The following GRTP1 variants were observed in gnomAD, a reference collection of about 807,000 sequenced individuals.
GRTP1 encodes growth hormone regulated TBC protein 1, also known as growth hormone-regulated TBC protein 1.
In GRTP1, 56 loss-of-function variants were observed where a neutral mutation model predicts 38.1. The ratio of observed to expected loss-of-function variants is 1.47; its 90% CI spans 1.19 to 1.84. GRTP1 has a LOEUF of 1.84. Ranked by LOEUF, GRTP1 falls within the 40% of genes most tolerant of loss-of-function variation. The pLI, the probability that GRTP1 is intolerant of heterozygous loss-of-function variation, is 0.00. For missense variants in GRTP1, 506 were observed against 453.9 expected (o/e 1.11, Z -1.04); for synonymous variants, 217 against 189.5 (o/e 1.14, Z -1.19).
At chr13:113,324,621 T>C (rs753849199) in intron 7 of GRTP1, 44 bp from the exon 8 acceptor site, 18 of 1,555,142 alleles carry the variant, frequency 1.2e-5, no homozygotes, top group South Asian at 1.1e-4. Context: ...CAACAACCCA[T>C]TTCTACGTTA....
Position 113,340,936 on chromosome 13 carries a change from T to C in GRTP1, c.562+3927A>G, listed in dbSNP as rs78435795. Among the ~76,000 whole-genome samples the C allele has an allele frequency of 2.5e-3, 376 of 152,350 alleles. 2 individuals carry two copies. The highest frequency in any genetic ancestry group is 4.3e-3 in the Non-Finnish European group (292 of 68,036). Reference sequence around the variant, plus strand: ...CTCAAGTCAACTTCGTTAGGCTGTTTTTTTCTCAGAATTATCCATTTCTGT... The same window carrying C: ...CTCAAGTCAACTTCGTTAGGCTGTTCTTTTCTCAGAATTATCCATTTCTGT... On this transcript the variant is annotated intron_variant, in intron 5 of 7. Transcript: ENST00000375431.
In GRTP1 at chr13:113,324,695, T is replaced by C. The variant is rs1187350980; in HGVS notation, c.922-118A>G. The C allele has an allele frequency of 2.0e-6, 3 of 1,473,530 alleles. No individual in the cohort carries two copies. In the African/African-American group the frequency reaches 4.2e-5, roughly 21 times the overall value. The allele number at this position is 1,473,530 out of a possible 1,614,324, so 91.3% of individuals were successfully genotyped here. A position where few individuals can be genotyped will look rare whatever the true frequency, so the allele number is the denominator to read the frequency against. On this transcript the variant is annotated intron_variant, in intron 7 of 7. Transcript: ENST00000375431. Reference sequence around the variant, plus strand: ...TGAGGTGAGGGAGGAGCAGTCCACATCCAAGGGCTTCTGGGGTGACCCACA... The same window carrying C: ...TGAGGTGAGGGAGGAGCAGTCCACACCCAAGGGCTTCTGGGGTGACCCACA...
At chr13:113,354,792 G>A (rs1595509755) in intron 3 of GRTP1, among the ~76,000 whole-genome samples, 1 of 152,354 alleles carries the variant, frequency 6.6e-6, no homozygotes, top group South Asian at 2.1e-4. Flanking sequence ...CTCTCAAAGT[G>A]CTGGGATTAC....
intron 2 of GRTP1, among the ~76,000 whole-genome samples, chr13:113,358,095 T>A (rs2139532604): frequency 6.6e-6 from 1 of 152,224 alleles, no homozygotes; most frequent in Middle Eastern, 3.4e-3. Context: ...GGCAGGAGAA[T>A]CGCTTGAACC....
intron 4 of GRTP1, among the ~76,000 whole-genome samples, chr13:113,346,272 A>T (rs2043129170): frequency 1.1e-5 from 1 of 93,652 alleles, no homozygotes. Context: ...ATCCGGGAGG[A>T]CCTCTGTGGC....
intron 4 of GRTP1, among the ~76,000 whole-genome samples, chr13:113,346,383 T>C (rs527462610): frequency 0.034 from 13 of 378 alleles, 4 homozygotes; most frequent in South Asian, 1. Flanking sequence ...AGAGCGGACC[T>C]GGGAGGACCT....
rs1393001046 is a variant in GRTP1, at chr13:113,363,678, G to A, written c.181+84C>T. 3.6e-6 allele frequency: 5 copies of A among 1,389,704 alleles called. No homozygotes were observed. The South Asian group carries it at 3.8e-5, about 11-fold the overall frequency. 86.1% of individuals were successfully genotyped at this position (1,389,704 alleles called of 1,614,324 possible). A position where few individuals can be genotyped will look rare whatever the true frequency, so the allele number is the denominator to read the frequency against. On this transcript the variant is annotated intron_variant, in intron 2 of 7. Coordinates refer to ENST00000375431, the MANE Select transcript of GRTP1 (RefSeq NM_024719.4). ...CGGAAAGGTTCCTCCCCCTCCCTCC[G>A]CTCCGGGAGCCCGGACTTTGCCCGG...
At chr13:113,326,151 TC>T in intron 5 of GRTP1, 60 bp from the exon 6 acceptor site, 1 of 1,581,484 alleles carries the variant, frequency 6.3e-7, no homozygotes, top group Non-Finnish European at 8.6e-7. Context: ...CAAGCCCCAT[TC>T]CCCTCAGAGC....
At chr13:113,358,113 C>T (rs369543285) in intron 2 of GRTP1, among the ~76,000 whole-genome samples, 1,593 of 152,104 alleles carry the variant, frequency 0.01, 16 homozygotes, top group Non-Finnish European at 0.018. Context: ...ACCTGGGAGG[C>T]GGAGGTTGCA....
intron 5 of GRTP1, among the ~76,000 whole-genome samples, chr13:113,336,831 C>T (rs547331470): frequency 2.7e-5 from 4 of 145,560 alleles, no homozygotes; most frequent in African/African-American, 7.6e-5. Flanking sequence ...ACAGCAGATG[C>T]GTGAGGGTGA....
rs901223456 is a variant in GRTP1 at position 113,355,453 on chromosome 13, C to A, written c.210G>T (p.Pro70=). 6.2e-7 allele frequency: 1 copy of A among 1,613,176 alleles called. No homozygotes were observed. Among genetic ancestry groups the A allele is most frequent in the African/African-American group, 1.3e-5 (1 of 74,940 alleles). ...TCCAGACGCGGGCACGGTGCTCCAG[C>A]GGGACCCCTTTCCGGACATAGCGCT... ...TVKRYVRKGV[P]LEHRARVWMV... is the part of the protein sequence containing the mutation. Residue 70 remains proline (P), a synonymous_variant, in exon 3 of 8, where the codon CCG becomes CCT. Transcript: ENST00000375431.
intron 4 of GRTP1, among the ~76,000 whole-genome samples, chr13:113,345,612 A>G (rs2043090948): frequency 6.6e-6 from 1 of 152,248 alleles, no homozygotes; most frequent in Non-Finnish European, 1.5e-5. Flanking sequence ...TTTCTCTAGT[A>G]ATAAGGGAAA....
intron 5 of GRTP1, among the ~76,000 whole-genome samples, chr13:113,338,551 G>T (rs1289876567): frequency 6.6e-6 from 1 of 152,162 alleles, no homozygotes; most frequent in Non-Finnish European, 1.5e-5. Flanking sequence ...CCCGGGGATG[G>T]GATCTCAGCC....
At position 113,338,648 on chromosome 13, in the gene GRTP1, C is replaced by G. The variant is rs116060346; in HGVS notation, c.562+6215G>C. On this transcript the variant is annotated intron_variant, in intron 5 of 7. Transcript: ENST00000375431. ...AAGACGACAATGTGCATGACATTTTCAATACCCAGACGGACTCGCACCCCG... is the reference window on the plus strand; with the variant it reads ...AAGACGACAATGTGCATGACATTTTGAATACCCAGACGGACTCGCACCCCG... Among the ~76,000 whole-genome samples the G allele has an allele frequency of 6.9e-3, 1,055 of 152,268 alleles. 8 individuals are homozygous for G. The highest frequency in any genetic ancestry group is 0.025 in the African/African-American group (1,019 of 41,564).
At position 113,344,862 on chromosome 13, in the gene GRTP1, C is replaced by T. The variant is rs1460364161; in HGVS notation, c.562+1G>A. Reference sequence around the variant, plus strand: ...GCATACCGCAGGAATTTTCAACATACCTGGTAGTATTCTTCCAACAAGAGC... The same window carrying T: ...GCATACCGCAGGAATTTTCAACATATCTGGTAGTATTCTTCCAACAAGAGC... On this transcript the variant is annotated splice_donor_variant, in intron 5 of 7. Transcript: ENST00000375431. LOFTEE classifies it high-confidence loss of function. 6.2e-7 allele frequency: 1 copy of T among 1,603,160 alleles called. No homozygotes were observed. The highest frequency in any genetic ancestry group is 2.3e-5 in the East Asian group (1 of 44,440).
chr13:113,350,387 C>A (rs72665286), intron 4 of GRTP1, among the ~76,000 whole-genome samples: 10,231 of 151,932 alleles, frequency 0.067, 450 homozygotes, highest in South Asian at 0.12. Context: ...CCTCAGAGGA[C>A]GACACACACC....
intron 5 of GRTP1, among the ~76,000 whole-genome samples, chr13:113,326,368 GTGGCGC>G (rs2042769816): frequency 5.9e-5 from 5 of 85,180 alleles, no homozygotes; most frequent in African/African-American, 4.4e-4. Flanking sequence ...CAGGTGGAGG[GTGGCGC>G]GGTGGGGGGG....
At chr13:113,346,073 G>GGAGGAT (rs1566429027) in intron 4 of GRTP1, among the ~76,000 whole-genome samples, 5 of 83,210 alleles carry the variant, frequency 6.0e-5, no homozygotes, top group African/African-American at 1.6e-4. Context: ...GACCTCTGCG[G>GGAGGAT]CTGAGCAGAC....
chr13:113,328,053 C>T (rs556319879), intron 5 of GRTP1, among the ~76,000 whole-genome samples: 1 of 152,358 alleles, frequency 6.6e-6, no homozygotes, highest in South Asian at 2.1e-4. Flanking sequence ...TGGTTCCTCC[C>T]AGGCCCAGCC....
Sources: allele counts gnomAD v4.1 joint callset (sites outside exome capture counted in the v4.1 genomes callset), GRCh38; gene constraint gnomAD v4.1.1; transcripts MANE v1.5; gene names NCBI Gene and HGNC (gene_info 2026-07-23, HGNC 2026-07-21).